The following DPF3 variants were observed in gnomAD, a reference collection of about 807,000 sequenced individuals.
The protein encoded by DPF3 is zinc finger protein DPF3.
In DPF3, 18 loss-of-function variants were observed where a neutral mutation model predicts 56.8. The ratio of observed to expected loss-of-function variants is 0.32; its 90% CI spans 0.22 to 0.47. DPF3 has a LOEUF of 0.47. DPF3 is among the 20% of genes least tolerant of loss of function. The probability of loss-of-function intolerance (pLI) is 1.00; values close to 1 mark genes in which losing one functional copy is unlikely to be tolerated. For missense variants in DPF3, 403 were observed against 488.8 expected, an observed-to-expected ratio of 0.82 and a Z score of 1.65; for synonymous variants, 188 against 180.2, an observed-to-expected ratio of 1.04 and a Z score of -0.35.
chr14:72,789,035 C>T (rs772542037), intron 1 of DPF3, among the ~76,000 whole-genome samples: 1 of 152,208 alleles, frequency 6.6e-6, no homozygotes, highest in Non-Finnish European at 1.5e-5. Flanking sequence ...AGGCCTCCCT[C>T]CAATAATGGT....
At chr14:72,813,711 A>G (rs1280774270) in intron 1 of DPF3, among the ~76,000 whole-genome samples, 3 of 152,232 alleles carry the variant, frequency 2.0e-5, no homozygotes, top group Non-Finnish European at 4.4e-5. Flanking sequence ...CAGGCAGGGC[A>G]CTTAACCTTT....
chr14:72,651,603 TCTGA>T (rs1022343753), intron 8 of DPF3, among the ~76,000 whole-genome samples: 4 of 152,232 alleles, frequency 2.6e-5, no homozygotes, highest in African/African-American at 9.6e-5. Context: ...TTCAAGATCA[TCTGA>T]CTAATACCAG....
rs116153119 is a variant in DPF3 at position 72,734,938 on chromosome 14, C to T, written c.302-3004G>A. On this transcript the variant is annotated intron_variant, in intron 3 of 10. Coordinates refer to ENST00000556509, the MANE Select transcript of DPF3 (RefSeq NM_001280542.3). The stretch of plus-strand genomic sequence containing the variant: ...CAAAACTTAGCAGCTGTTACTGCTA[C>T]GTATCAATCCCCACTACACCCAAGA... Among the ~76,000 whole-genome samples, 506 of 152,318 alleles carry T rather than the reference C, an allele frequency of 3.3e-3. 5 individuals are homozygous for T. Among genetic ancestry groups the T allele is most frequent in the African/African-American group, 0.011 (467 of 41,570 alleles).
chr14:72,647,277 G>A (rs1039729512), intron 8 of DPF3, among the ~76,000 whole-genome samples: 4 of 152,200 alleles, frequency 2.6e-5, no homozygotes, highest in Non-Finnish European at 4.4e-5. Flanking sequence ...CAGAAATTCT[G>A]TATTTCTTTC....
intron 8 of DPF3, among the ~76,000 whole-genome samples, chr14:72,636,683 G>A (rs1400816285): frequency 2.0e-5 from 3 of 152,192 alleles, no homozygotes. Context: ...TATTTCTCAA[G>A]CCCTGCTTTG....
At position 72,610,176 on chromosome 14, in the gene DPF3, C is replaced by G. The variant is rs75099177; in HGVS notation, c.*9121G>C. 2.0e-5 allele frequency among the ~76,000 whole-genome samples: 3 copies of G among 152,318 alleles called. No individual in the cohort carries two copies. In the East Asian group the frequency reaches 5.8e-4, roughly 29 times the overall value. Reference sequence around the variant, plus strand: ...GGAAGAAGCAATCCCAGGTTTGCTTCGTATCTGCAGGTCTAGAGACATCAA... The same window carrying G: ...GGAAGAAGCAATCCCAGGTTTGCTTGGTATCTGCAGGTCTAGAGACATCAA... On this transcript the variant is annotated 3_prime_UTR_variant, in exon 11 of 11. Coordinates refer to ENST00000556509, the MANE Select transcript of DPF3 (RefSeq NM_001280542.3).
chr14:72,811,821 G>C (rs1200670239), intron 1 of DPF3, among the ~76,000 whole-genome samples: 1 of 152,060 alleles, frequency 6.6e-6, no homozygotes, highest in South Asian at 2.1e-4. Context: ...GAGATGGGAA[G>C]GGCAAGCTGT....
intron 1 of DPF3, among the ~76,000 whole-genome samples, chr14:72,867,680 T>A (rs972954635): frequency 6.6e-6 from 1 of 152,004 alleles, no homozygotes; most frequent in African/African-American, 2.4e-5. Flanking sequence ...TACTTGGGGG[T>A]TCTTTATACT....
intron 1 of DPF3, among the ~76,000 whole-genome samples, chr14:72,824,819 A>G (rs1218787649): frequency 6.0e-5 from 9 of 149,798 alleles, no homozygotes; most frequent in Non-Finnish European, 1.2e-4. Flanking sequence ...TGATCCGCCT[A>G]CTTCAGCCTC....
At chr14:72,731,657 G>T in intron 4 of DPF3, 150 bp downstream of exon 4, 1 of 1,061,306 alleles carries the variant, frequency 9.4e-7, no homozygotes, top group Non-Finnish European at 1.3e-6. Context: ...AAAAGAATTT[G>T]GGAGCTTCCT....
intron 1 of DPF3, among the ~76,000 whole-genome samples, chr14:72,788,044 T>C (rs1009196569): frequency 3.3e-5 from 5 of 152,202 alleles, no homozygotes; most frequent in African/African-American, 7.2e-5. Flanking sequence ...AACAGGTGCC[T>C]AACTGCCTGG....
intron 1 of DPF3, among the ~76,000 whole-genome samples, chr14:72,886,963 C>G (rs1886570703): frequency 1.3e-5 from 2 of 152,136 alleles, no homozygotes; most frequent in African/African-American, 2.4e-5. Flanking sequence ...GACATCAGTA[C>G]AGGTCCACTT....
At chr14:72,755,165 C>T (rs1890741193) in intron 2 of DPF3, among the ~76,000 whole-genome samples, 2 of 152,224 alleles carry the variant, frequency 1.3e-5, no homozygotes, top group African/African-American at 4.8e-5. Flanking sequence ...TGCTTCCAAC[C>T]TAATCAAACA....
At chr14:72,680,918 A>T (rs1887139729) in intron 7 of DPF3, among the ~76,000 whole-genome samples, 1 of 152,230 alleles carries the variant, frequency 6.6e-6, no homozygotes, top group East Asian at 1.9e-4. Flanking sequence ...AAGCATTATA[A>T]TCAGGTGAAG....
chr14:72,645,048 C>T (rs370876849), intron 8 of DPF3, among the ~76,000 whole-genome samples: 26 of 152,328 alleles, frequency 1.7e-4, no homozygotes, highest in African/African-American at 5.5e-4. Context: ...AAGAAACCAA[C>T]TTGCCATCCC....
chr14:72,641,130 G>T (rs186617958), intron 8 of DPF3, among the ~76,000 whole-genome samples: 1 of 152,294 alleles, frequency 6.6e-6, no homozygotes, highest in African/African-American at 2.4e-5. Context: ...AAGAGAACGT[G>T]TTGCCCTGGG....
At position 72,617,228 on chromosome 14, in the gene DPF3, T is replaced by C. The variant is rs1884141661; in HGVS notation, c.*2069A>G. On this transcript the variant is annotated 3_prime_UTR_variant, in exon 11 of 11. Transcript: ENST00000556509. The stretch of plus-strand genomic sequence containing the variant: ...AAGTTGTAGAGCCACAGTTTGGGGT[T>C]TCGGACTTGCTTTTTAAACTTTTAA... Among the ~76,000 whole-genome samples, 1 of 152,204 alleles carries C rather than the reference T, an allele frequency of 6.6e-6. No homozygotes were observed. Among genetic ancestry groups the C allele is most frequent in the Admixed American group, 6.5e-5 (1 of 15,288 alleles).
intron 8 of DPF3, chr14:72,661,496 T>C (rs1886209397): frequency 4.1e-6 from 4 of 985,566 alleles, no homozygotes; most frequent in African/African-American, 1.7e-5. Flanking sequence ...AGCATGGCTG[T>C]GTGAAAGCCC....
chr14:72,689,840 A>G (rs1887598021), intron 7 of DPF3, among the ~76,000 whole-genome samples: 1 of 152,126 alleles, frequency 6.6e-6, no homozygotes, highest in Non-Finnish European at 1.5e-5. Context: ...TGCAGGCACT[A>G]AAAGCCTTTC....
Sources: allele counts gnomAD v4.1 joint callset (sites outside exome capture counted in the v4.1 genomes callset), GRCh38; gene constraint gnomAD v4.1.1; transcripts MANE v1.5; gene names NCBI Gene and HGNC (gene_info 2026-07-23, HGNC 2026-07-21).